The following SEMA5A variants were observed in gnomAD, a reference collection of about 807,000 sequenced individuals.
SEMA5A encodes semaphorin-5A.
Under a neutral mutation model 135.5 loss-of-function variants are expected in SEMA5A, and 55 were observed. The observed-to-expected ratio is 0.41, with a 90% CI of 0.33 to 0.51. The LOEUF (loss-of-function observed/expected upper bound fraction) is 0.51. Among genes scored for constraint, SEMA5A ranks in the 20% least tolerant of loss-of-function variants. The probability of loss-of-function intolerance (pLI) is 0.37; values close to 1 mark genes in which losing one functional copy is unlikely to be tolerated. For missense variants in SEMA5A, 1,290 were observed against 1,419.9 expected (o/e 0.91, Z 1.47); for synonymous variants, 580 against 546.5 (o/e 1.06, Z -0.85).
chr5:9,307,575 T>C (rs1751930783), intron 5 of SEMA5A, among the ~76,000 whole-genome samples: 1 of 152,148 alleles, frequency 6.6e-6, no homozygotes, highest in South Asian at 2.1e-4. Flanking sequence ...GAACACATTA[T>C]CTCTTACTCA....
chr5:9,516,519 A>G (rs1395333265), intron 1 of SEMA5A: 1 of 151,942 alleles, frequency 6.6e-6, no homozygotes, highest in Non-Finnish European at 1.5e-5. Flanking sequence ...AAAATGTAGA[A>G]AACTGTCTTC....
chr5:9,137,182 C>A (rs900329646), intron 12 of SEMA5A, among the ~76,000 whole-genome samples: 4 of 152,164 alleles, frequency 2.6e-5, no homozygotes, highest in Non-Finnish European at 5.9e-5. Flanking sequence ...ATTAGCCCAA[C>A]AACATGCAGA....
At chr5:9,364,761 A>C (rs1754844157) in intron 3 of SEMA5A, among the ~76,000 whole-genome samples, 1 of 152,236 alleles carries the variant, frequency 6.6e-6, no homozygotes, top group Non-Finnish European at 1.5e-5. Context: ...AGTCATAAAA[A>C]GCACCAACAG....
intron 1 of SEMA5A, among the ~76,000 whole-genome samples, chr5:9,451,927 C>T (rs1486792024): frequency 6.6e-6 from 1 of 152,132 alleles, no homozygotes; most frequent in East Asian, 1.9e-4. Flanking sequence ...GAAGTTCTAC[C>T]CGAGCCACCT....
At chr5:9,096,944 G>T (rs973807271) in intron 16 of SEMA5A, among the ~76,000 whole-genome samples, 3 of 152,156 alleles carry the variant, frequency 2.0e-5, no homozygotes, top group Middle Eastern at 3.4e-3. Flanking sequence ...AAAAACAGTA[G>T]ACTTTTCATC....
At chr5:9,103,733 C>A (rs1000545147) in intron 16 of SEMA5A, among the ~76,000 whole-genome samples, 2 of 152,126 alleles carry the variant, frequency 1.3e-5, no homozygotes, top group Non-Finnish European at 2.9e-5. Context: ...ATCTGCTAAA[C>A]CTTTGAGGAA....
chr5:9,512,070 T>A (rs1736232517), intron 1 of SEMA5A: 1 of 152,212 alleles, frequency 6.6e-6, no homozygotes, highest in Non-Finnish European at 1.5e-5. Context: ...AGAGAAGTAT[T>A]CATCAGTCTT....
chr5:9,073,695 T>C (rs1481965866), intron 16 of SEMA5A, among the ~76,000 whole-genome samples: 2 of 152,166 alleles, frequency 1.3e-5, no homozygotes, highest in Non-Finnish European at 2.9e-5. Flanking sequence ...TGATTGTCTA[T>C]GTAGAAACTG....
chr5:9,053,786 A>C, intron 19 of SEMA5A: 1 of 253,756 alleles, frequency 3.9e-6, no homozygotes, highest in Admixed American at 5.5e-5. Flanking sequence ...ATGTTTCCTA[A>C]TTAGGGAGAT....
intron 1 of SEMA5A, among the ~76,000 whole-genome samples, chr5:9,446,286 G>C (rs1201069648): frequency 6.6e-6 from 1 of 152,130 alleles, no homozygotes; most frequent in African/African-American, 2.4e-5. Flanking sequence ...ACAATGATGT[G>C]TTCTGAACTG....
intron 6 of SEMA5A, among the ~76,000 whole-genome samples, chr5:9,227,528 A>G (rs1747379563): frequency 6.6e-6 from 1 of 151,474 alleles, no homozygotes; most frequent in South Asian, 2.1e-4. Flanking sequence ...CATATTTTAA[A>G]TACAAAGCAA....
At chr5:9,141,729 G>T (rs374770340) in intron 12 of SEMA5A, among the ~76,000 whole-genome samples, 2 of 152,056 alleles carry the variant, frequency 1.3e-5, no homozygotes, top group East Asian at 3.9e-4. Flanking sequence ...TTGCAATTAC[G>T]TTTTTTGTTA....
At chr5:9,364,132 T>C (rs1257216839) in intron 3 of SEMA5A, among the ~76,000 whole-genome samples, 3 of 152,226 alleles carry the variant, frequency 2.0e-5, no homozygotes, top group Non-Finnish European at 2.9e-5. Flanking sequence ...ATTTTTCTTA[T>C]AGCAGGCATC....
intron 1 of SEMA5A, among the ~76,000 whole-genome samples, chr5:9,506,115 T>C (rs1215094452): frequency 6.6e-6 from 1 of 152,234 alleles, no homozygotes; most frequent in East Asian, 1.9e-4. Context: ...TTTAGGCTTC[T>C]TTTTAGAATC....
chr5:9,462,679 C>T (rs1227952734), intron 1 of SEMA5A, among the ~76,000 whole-genome samples: 1 of 152,088 alleles, frequency 6.6e-6, no homozygotes, highest in Non-Finnish European at 1.5e-5. Context: ...TTTGCAGGAA[C>T]ATGGATGGAG....
At chr5:9,122,542 TG>T in intron 14 of SEMA5A, 113 bp downstream of exon 14, 8 of 1,039,602 alleles carry the variant, frequency 7.7e-6, no homozygotes, top group Non-Finnish European at 1.0e-5. Flanking sequence ...ATGTCCCTGG[TG>T]TTTCACCACA....
At chr5:9,053,848 A>G (rs1236590655) in intron 19 of SEMA5A, 1 of 411,212 alleles carries the variant, frequency 2.4e-6, no homozygotes, top group African/African-American at 2.1e-5. Context: ...AGCCTTTAGC[A>G]CTCTCCCATT....
At chr5:9,221,152 T>C (rs2150407768) in intron 8 of SEMA5A, among the ~76,000 whole-genome samples, 1 of 152,324 alleles carries the variant, frequency 6.6e-6, no homozygotes, top group African/African-American at 2.4e-5. Flanking sequence ...AAGAGAGAAG[T>C]CTGAGAGCAT....
At chr5:9,050,175 T>C (rs949571032) in intron 21 of SEMA5A, among the ~76,000 whole-genome samples, 2 of 152,124 alleles carry the variant, frequency 1.3e-5, no homozygotes, top group Admixed American at 1.3e-4. Flanking sequence ...CCCATCAAGT[T>C]CCCAGGCCAT....
Sources: gnomAD v4.1 joint callset for allele counts (sites outside exome capture counted in the v4.1 genomes callset) on GRCh38, gnomAD v4.1.1 for gene constraint, MANE v1.5 for transcripts, NCBI Gene and HGNC (gene_info 2026-07-23, HGNC 2026-07-21) for gene names.